The following TPD52 variants were observed in gnomAD, a reference collection of about 807,000 sequenced individuals.
TPD52 encodes the protein tumor protein D52.
Under a neutral mutation model 31.3 loss-of-function variants are expected in TPD52, and 17 were observed. The observed-to-expected ratio is 0.54, with a 90% CI of 0.37 to 0.82. The LOEUF is 0.82. TPD52 is among the 40% of genes least tolerant of loss of function. The probability of loss-of-function intolerance (pLI) is 0.00; values close to 1 mark genes in which losing one functional copy is unlikely to be tolerated. For synonymous variants in TPD52, 83 were observed against 89.6 expected, an observed-to-expected ratio of 0.93 and a Z score of 0.42; for missense variants, 212 against 240.1, an observed-to-expected ratio of 0.88 and a Z score of 0.77.
At chr8:80,115,918 A>C (rs2131003027) in intron 1 of TPD52, among the ~76,000 whole-genome samples, 1 of 152,392 alleles carries the variant, frequency 6.6e-6, no homozygotes, top group Non-Finnish European at 1.5e-5. Context: ...AAGACATATG[A>C]CAAAGGCTAA....
chr8:80,036,670 C>T lies in TPD52; in HGVS notation c.*1446G>A, dbSNP rs947470255. The stretch of plus-strand genomic sequence containing the variant: ...TGCATCCAAAGTACTAACAAAAACT[C>T]TAGCAATCAAGAATGGCAGCATGTT... On this transcript the variant is annotated 3_prime_UTR_variant, in exon 8 of 8. Coordinates refer to ENST00000518937, the MANE Select transcript of TPD52 (RefSeq NM_001025253.3). The T allele has an allele frequency of 5.9e-5, 9 of 152,564 alleles. No homozygotes were observed. Among genetic ancestry groups the T allele is most frequent in the Non-Finnish European group, 1.3e-4 (9 of 68,018 alleles). 9.5% of individuals were successfully genotyped at this position (152,564 alleles called of 1,614,324 possible).
chr8:80,060,266 A>G (rs941299337), intron 2 of TPD52, among the ~76,000 whole-genome samples: 1 of 150,756 alleles, frequency 6.6e-6, no homozygotes, highest in African/African-American at 2.4e-5. Context: ...GTACACCAAC[A>G]TACTAGATAG....
chr8:80,148,436 T>C (rs934498340), intron 1 of TPD52, among the ~76,000 whole-genome samples: 3 of 152,084 alleles, frequency 2.0e-5, no homozygotes, highest in African/African-American at 7.2e-5. Flanking sequence ...ATGCTGGGAT[T>C]ACACGCAAGA....
At chr8:80,157,787 T>G (rs1414396164) in intron 1 of TPD52, among the ~76,000 whole-genome samples, 1 of 152,222 alleles carries the variant, frequency 6.6e-6, no homozygotes, top group Non-Finnish European at 1.5e-5. Context: ...TCTGCAAATA[T>G]TTAATATGTT....
chr8:80,128,512 A>AAAAAAT (rs1808793890), intron 1 of TPD52, among the ~76,000 whole-genome samples: 1 of 149,732 alleles, frequency 6.7e-6, no homozygotes, highest in South Asian at 2.1e-4. Context: ...AAAAAAAAAA[A>AAAAAAT]TGCTGGGCAT....
At chr8:80,140,105 G>A (rs928192900) in intron 1 of TPD52, among the ~76,000 whole-genome samples, 2 of 152,220 alleles carry the variant, frequency 1.3e-5, no homozygotes, top group Non-Finnish European at 1.5e-5. Flanking sequence ...GTGACACACA[G>A]ACGCTGGTTC....
chr8:80,151,568 C>A (rs1486839041), intron 1 of TPD52, among the ~76,000 whole-genome samples: 1 of 152,064 alleles, frequency 6.6e-6, no homozygotes, highest in African/African-American at 2.4e-5. Context: ...AGTAGATCCC[C>A]AAAAAAAGAT....
In TPD52 at chr8:80,171,556, C is replaced by T; in HGVS notation, c.-113G>A. 1.5e-6 allele frequency: 2 copies of T among 1,334,558 alleles called. No homozygotes were observed. Among genetic ancestry groups the T allele is most frequent in the South Asian group, 1.7e-5 (1 of 58,000 alleles). 82.7% of individuals were successfully genotyped at this position (1,334,558 alleles called of 1,614,324 possible). On this transcript the variant is annotated 5_prime_UTR_variant, in exon 1 of 8. Coordinates refer to ENST00000518937, the MANE Select transcript of TPD52 (RefSeq NM_001025253.3). ...CCTCCTCGCCTCCGCCGGCGACTCC[C>T]GCGAAGTCCCCACCCCCAGAGGCGT...
At chr8:80,067,113 C>T (rs1813242195) in intron 1 of TPD52, 1 of 152,146 alleles carries the variant, frequency 6.6e-6, no homozygotes, top group South Asian at 2.1e-4. Flanking sequence ...TTTATGTATA[C>T]TGCCCAATTC....
At chr8:80,131,155 G>A (rs893393930) in intron 1 of TPD52, among the ~76,000 whole-genome samples, 2 of 152,028 alleles carry the variant, frequency 1.3e-5, no homozygotes, top group Non-Finnish European at 2.9e-5. Flanking sequence ...ATAGAGAGGA[G>A]AGCCAAGAAG....
chr8:80,093,394 G>T (rs1031948554), intron 1 of TPD52, among the ~76,000 whole-genome samples: 4 of 152,074 alleles, frequency 2.6e-5, no homozygotes, highest in African/African-American at 4.8e-5. Flanking sequence ...AAACACAAGC[G>T]ACTGTCACAA....
chr8:80,121,061 G>T (rs1412803526), intron 1 of TPD52, among the ~76,000 whole-genome samples: 1 of 149,754 alleles, frequency 6.7e-6, no homozygotes, highest in Non-Finnish European at 1.5e-5. Context: ...CAGCCTGGGC[G>T]ACAGAGTGAG....
At chr8:80,130,629 A>T (rs1808954459) in intron 1 of TPD52, among the ~76,000 whole-genome samples, 1 of 152,200 alleles carries the variant, frequency 6.6e-6, no homozygotes. Flanking sequence ...ACAACAAGAT[A>T]CTAGAAAATA....
At chr8:80,095,455 T>C (rs1043180935) in intron 1 of TPD52, among the ~76,000 whole-genome samples, 1 of 152,192 alleles carries the variant, frequency 6.6e-6, no homozygotes, top group Non-Finnish European at 1.5e-5. Flanking sequence ...GGCTACATAT[T>C]ATGCATCTGT....
chr8:80,118,211 AAT>A (rs1410904717), intron 1 of TPD52, among the ~76,000 whole-genome samples: 1 of 152,234 alleles, frequency 6.6e-6, no homozygotes, highest in Non-Finnish European at 1.5e-5. Context: ...GACATGGAAA[AAT>A]AGTCTTTTCA....
chr8:80,039,824 G>A (rs1401626418), intron 7 of TPD52, among the ~76,000 whole-genome samples: 1 of 152,008 alleles, frequency 6.6e-6, no homozygotes, highest in Non-Finnish European at 1.5e-5. Context: ...TCCTCTAAGA[G>A]GTCTTCTCTG....
intron 2 of TPD52, 125 bp downstream of exon 2, chr8:80,064,353 A>T: frequency 1.3e-6 from 1 of 772,756 alleles, no homozygotes; most frequent in South Asian, 1.7e-5. Flanking sequence ...CCTGCTGGAG[A>T]AGTAAACACA....
chr8:80,040,972 C>T (rs1810321437), intron 7 of TPD52, among the ~76,000 whole-genome samples: 1 of 152,158 alleles, frequency 6.6e-6, no homozygotes, highest in Admixed American at 6.5e-5. Flanking sequence ...TCACAAAGCA[C>T]CCTGCTAGTG....
chr8:80,040,890 A>G (rs1173402745), intron 7 of TPD52, among the ~76,000 whole-genome samples: 3 of 152,226 alleles, frequency 2.0e-5, no homozygotes, highest in African/African-American at 7.2e-5. Flanking sequence ...ATATTGAGCA[A>G]TGTGCCAAGA....
Sources: gnomAD v4.1 joint callset for allele counts (sites outside exome capture counted in the v4.1 genomes callset) on GRCh38, gnomAD v4.1.1 for gene constraint, MANE v1.5 for transcripts, NCBI Gene and HGNC (gene_info 2026-07-23, HGNC 2026-07-21) for gene names.